Variants in ITFG1 observed in about 807,000 individuals in gnomAD.
ITFG1 encodes T-cell immunomodulatory protein.
ITFG1 carries 34 observed loss-of-function variants against 81.8 expected under a neutral mutation model. That is an observed-to-expected ratio of 0.42 (90% CI 0.32 to 0.55). The LOEUF (loss-of-function observed/expected upper bound fraction) is 0.55, where lower values mean the gene tolerates loss of function less well. ITFG1 is among the 20% of genes least tolerant of loss of function. The pLI, the probability that ITFG1 is intolerant of heterozygous loss-of-function variation, is 0.17. For synonymous variants in ITFG1, 285 were observed against 270.6 expected (o/e 1.05, Z -0.52); for missense variants, 672 against 755.4 (o/e 0.89, Z 1.29).
intron 13 of ITFG1, among the ~76,000 whole-genome samples, chr16:47,226,737 G>A (rs1056710278): frequency 6.6e-6 from 1 of 151,694 alleles, no homozygotes; most frequent in African/African-American, 2.4e-5. Context: ...TTCAACCAAG[G>A]CAACATACCA....
At chr16:47,421,553 T>A (rs574757973) in intron 6 of ITFG1, among the ~76,000 whole-genome samples, 30 of 152,262 alleles carry the variant, frequency 2.0e-4, no homozygotes, top group Admixed American at 1.8e-3. Context: ...TCCGCCCGCC[T>A]TGGCCTCCCA....
chr16:47,307,236 G>A (rs1374915840), intron 10 of ITFG1, among the ~76,000 whole-genome samples: 2 of 150,838 alleles, frequency 1.3e-5, no homozygotes, highest in African/African-American at 4.9e-5. Flanking sequence ...AATCATAAAG[G>A]AATGCAACTT....
intron 5 of ITFG1, among the ~76,000 whole-genome samples, chr16:47,435,793 A>G (rs958353264): frequency 6.6e-6 from 1 of 152,218 alleles, no homozygotes; most frequent in African/African-American, 2.4e-5. Context: ...AGAATTTTGA[A>G]TGCTGAAAAA....
chr16:47,337,464 G>A (rs1345299288), intron 8 of ITFG1, among the ~76,000 whole-genome samples: 4 of 152,122 alleles, frequency 2.6e-5, no homozygotes, highest in African/African-American at 9.7e-5. Context: ...CAGCTACTGG[G>A]GAGGCTGAAG....
chr16:47,229,847 G>C lies in ITFG1; in HGVS notation c.1374+8118C>G, dbSNP rs552151629. Among the ~76,000 whole-genome samples, 84 of 152,270 alleles carry C rather than the reference G, an allele frequency of 5.5e-4. 2 individuals are homozygous for C. In the South Asian group the frequency reaches 0.012, roughly 23 times the overall value. ...GTTGAGATCACTTAAAGAGTTTAGA[G>C]TAGTCGCCGCTCATGTGCGGTTTCA... On this transcript the variant is annotated intron_variant, in intron 13 of 17. Transcript: ENST00000320640.
At chr16:47,196,464 A>G (rs1965360040) in intron 14 of ITFG1, 1 of 152,164 alleles carries the variant, frequency 6.6e-6, no homozygotes, top group African/African-American at 2.4e-5. Context: ...GCATTCTAAA[A>G]TTTTATGATT....
intron 12 of ITFG1, among the ~76,000 whole-genome samples, chr16:47,248,049 T>C (rs986252744): frequency 2.7e-5 from 4 of 150,832 alleles, no homozygotes; most frequent in Admixed American, 6.5e-5. Context: ...ATTACATACA[T>C]ACTCACGTAT....
chr16:47,334,100 T>C (rs1196155299), intron 8 of ITFG1, among the ~76,000 whole-genome samples: 2 of 152,218 alleles, frequency 1.3e-5, no homozygotes, highest in Non-Finnish European at 2.9e-5. Flanking sequence ...TTTTGCTAAA[T>C]ACAATGAAAT....
intron 10 of ITFG1, among the ~76,000 whole-genome samples, chr16:47,285,153 C>T (rs919035216): frequency 3.3e-5 from 5 of 152,240 alleles, no homozygotes; most frequent in Middle Eastern, 3.4e-3. Flanking sequence ...TCCGTTCACG[C>T]TAATGTTCCT....
At chr16:47,294,874 C>T (rs939853266) in intron 10 of ITFG1, among the ~76,000 whole-genome samples, 1 of 152,016 alleles carries the variant, frequency 6.6e-6, no homozygotes, top group Non-Finnish European at 1.5e-5. Flanking sequence ...TCTGATTTCT[C>T]TGGTTAGGAC....
intron 10 of ITFG1, among the ~76,000 whole-genome samples, chr16:47,294,129 G>C (rs767159729): frequency 4.6e-5 from 7 of 151,916 alleles, no homozygotes; most frequent in Non-Finnish European, 1.0e-4. Flanking sequence ...ATTGTCCTTA[G>C]TGATTGTTGT....
At chr16:47,400,732 G>A (rs1435398917) in intron 6 of ITFG1, among the ~76,000 whole-genome samples, 1 of 151,960 alleles carries the variant, frequency 6.6e-6, no homozygotes, top group Non-Finnish European at 1.5e-5. Flanking sequence ...GGTAGGGGAA[G>A]CAAAGAGGTA....
At chr16:47,335,880 A>G (rs1193329264) in intron 8 of ITFG1, among the ~76,000 whole-genome samples, 1 of 151,916 alleles carries the variant, frequency 6.6e-6, no homozygotes, top group African/African-American at 2.4e-5. Flanking sequence ...AGAAAAAGGA[A>G]ACCATGTATC....
At chr16:47,413,539 T>G (rs1157254723) in intron 6 of ITFG1, among the ~76,000 whole-genome samples, 5 of 151,968 alleles carry the variant, frequency 3.3e-5, no homozygotes, top group Non-Finnish European at 5.9e-5. Context: ...TATAAAACGT[T>G]TAAAAATTAG....
At chr16:47,231,345 G>A (rs1965814739) in intron 13 of ITFG1, among the ~76,000 whole-genome samples, 1 of 152,130 alleles carries the variant, frequency 6.6e-6, no homozygotes, top group Non-Finnish European at 1.5e-5. Flanking sequence ...ATAGTGAAAG[G>A]TCAGAATATG....
chr16:47,379,731 A>G (rs1250245227), intron 6 of ITFG1, among the ~76,000 whole-genome samples: 1 of 151,394 alleles, frequency 6.6e-6, no homozygotes, highest in Non-Finnish European at 1.5e-5. Flanking sequence ...ATCACCTTTC[A>G]TGGGGCAGGC....
At chr16:47,447,631 A>C (rs751371640) in intron 5 of ITFG1, among the ~76,000 whole-genome samples, 1 of 152,160 alleles carries the variant, frequency 6.6e-6, no homozygotes, top group Non-Finnish European at 1.5e-5. Flanking sequence ...CCCAGGTTCA[A>C]GCAAAAATCT....
intron 14 of ITFG1, among the ~76,000 whole-genome samples, chr16:47,165,463 T>C (rs1238709978): frequency 6.6e-6 from 1 of 152,270 alleles, no homozygotes; most frequent in Non-Finnish European, 1.5e-5. Flanking sequence ...ATTGAGCTGA[T>C]TGAAAGATAA....
intron 6 of ITFG1, among the ~76,000 whole-genome samples, chr16:47,395,573 T>C (rs1392346545): frequency 6.6e-6 from 1 of 152,232 alleles, no homozygotes; most frequent in Non-Finnish European, 1.5e-5. Flanking sequence ...CTGTCAATTA[T>C]GATTGAAAGC....
Sources: allele counts gnomAD v4.1 joint callset (sites outside exome capture counted in the v4.1 genomes callset), GRCh38; gene constraint gnomAD v4.1.1; transcripts MANE v1.5; gene names NCBI Gene and HGNC (gene_info 2026-07-23, HGNC 2026-07-21).